The following QTMAN variants were observed in gnomAD, a reference collection of about 807,000 sequenced individuals.
The protein encoded by QTMAN is queuosine-tRNA mannosyltransferase, also known as tRNA-queuosine alpha-mannosyltransferase.
At chr2:144,253,152 CTT>C in the QTMAN span, among the ~76,000 whole-genome samples, 1 of 152,160 alleles carries the variant, frequency 6.6e-6, no homozygotes, top group Admixed American at 6.5e-5. Flanking sequence ...TTGCTTGGCA[CTT>C]CTCTCTCCTG....
At chr2:144,174,053 C>T in the QTMAN span, among the ~76,000 whole-genome samples, 15,934 of 152,192 alleles carry the variant, frequency 0.1, 1,905 homozygotes, top group African/African-American at 0.29. Context: ...CCCTTTTATA[C>T]AGAAATTACC....
At chr2:143,984,083 G>A in the QTMAN span, among the ~76,000 whole-genome samples, 1 of 152,250 alleles carries the variant, frequency 6.6e-6, no homozygotes, top group Non-Finnish European at 1.5e-5. Context: ...CACCAAATAT[G>A]TCTTTCTTTT....
chr2:144,293,775 G>A, the QTMAN span, among the ~76,000 whole-genome samples: 5 of 152,134 alleles, frequency 3.3e-5, no homozygotes, highest in Non-Finnish European at 5.9e-5. Flanking sequence ...TAAAAGAAGA[G>A]TACAAATATT....
At chr2:144,034,183 C>A in the QTMAN span, among the ~76,000 whole-genome samples, 2 of 152,144 alleles carry the variant, frequency 1.3e-5, no homozygotes, top group Admixed American at 1.3e-4. Context: ...CAGTAAGATA[C>A]CAGCTAATAC....
At chr2:144,093,386 T>TA in the QTMAN span, among the ~76,000 whole-genome samples, 1 of 152,212 alleles carries the variant, frequency 6.6e-6, no homozygotes, top group African/African-American at 2.4e-5. Context: ...TGAAGGTGTA[T>TA]ACCCCATGAA....
chr2:143,990,628 T>C, the QTMAN span, among the ~76,000 whole-genome samples: 2 of 152,188 alleles, frequency 1.3e-5, no homozygotes, highest in Non-Finnish European at 2.9e-5. Context: ...GGTAGCTTCC[T>C]TAAGCACCTG....
chr2:144,020,761 A>G, the QTMAN span, among the ~76,000 whole-genome samples: 1 of 152,216 alleles, frequency 6.6e-6, no homozygotes, highest in Non-Finnish European at 1.5e-5. Flanking sequence ...AGAAACTGAG[A>G]CAATGTAGAG....
chr2:144,243,308 T>A, the QTMAN span, among the ~76,000 whole-genome samples: 2 of 152,208 alleles, frequency 1.3e-5, no homozygotes, highest in Admixed American at 6.5e-5. Flanking sequence ...ATCTTCTTCT[T>A]TAGTTTTACT....
chr2:144,276,229 T>A, the QTMAN span, among the ~76,000 whole-genome samples: 4 of 152,084 alleles, frequency 2.6e-5, no homozygotes, highest in Admixed American at 6.6e-5. Context: ...AAAAAAGTTA[T>A]AGAAATGGGG....
the QTMAN span, among the ~76,000 whole-genome samples, chr2:144,130,429 A>G: frequency 4.0e-5 from 6 of 151,894 alleles, no homozygotes; most frequent in Non-Finnish European, 8.8e-5. Flanking sequence ...AAAAAACACA[A>G]AACACTAAGT....
chr2:144,087,485 C>T, the QTMAN span, among the ~76,000 whole-genome samples: 1 of 151,972 alleles, frequency 6.6e-6, no homozygotes, highest in East Asian at 1.9e-4. Flanking sequence ...GATACCAAAA[C>T]CAGACAAAGA....
At chr2:144,248,835 T>C in the QTMAN span, among the ~76,000 whole-genome samples, 2 of 152,184 alleles carry the variant, frequency 1.3e-5, no homozygotes, top group Non-Finnish European at 2.9e-5. Context: ...GTCGCTCTGA[T>C]TGTTCTTCAG....
At chr2:144,228,313 T>G in the QTMAN span, among the ~76,000 whole-genome samples, 3 of 152,168 alleles carry the variant, frequency 2.0e-5, no homozygotes, top group Non-Finnish European at 4.4e-5. Flanking sequence ...CAGTCCTTAC[T>G]AGCTAGAAAA....
At chr2:144,038,796 G>T in the QTMAN span, among the ~76,000 whole-genome samples, 2 of 152,084 alleles carry the variant, frequency 1.3e-5, no homozygotes, top group African/African-American at 2.4e-5. Flanking sequence ...TTAAATTTAA[G>T]ATTAAAATTA....
the QTMAN span, among the ~76,000 whole-genome samples, chr2:144,312,181 C>CTT: frequency 2.0e-4 from 26 of 131,170 alleles, no homozygotes; most frequent in African/African-American, 3.4e-4. Flanking sequence ...GAGTTACATT[C>CTT]TTTTTTTTTT....
At chr2:143,948,700 T>C in the QTMAN span, among the ~76,000 whole-genome samples, 35 of 152,234 alleles carry the variant, frequency 2.3e-4, no homozygotes, top group African/African-American at 8.2e-4. Flanking sequence ...TTTCCATAAG[T>C]AAATTCACAT....
the QTMAN span, among the ~76,000 whole-genome samples, chr2:144,242,145 G>A: frequency 2.6e-5 from 4 of 151,962 alleles, no homozygotes; most frequent in African/African-American, 7.3e-5. Context: ...TAGTTAAATG[G>A]GTCCAGATTG....
At chr2:144,171,153 G>T in the QTMAN span, among the ~76,000 whole-genome samples, 1 of 152,090 alleles carries the variant, frequency 6.6e-6, no homozygotes, top group African/African-American at 2.4e-5. Context: ...TATATGAAGA[G>T]AGCTTAAAAC....
At chr2:144,179,379 T>G in the QTMAN span, among the ~76,000 whole-genome samples, 2 of 152,202 alleles carry the variant, frequency 1.3e-5, no homozygotes. Flanking sequence ...TCAATTGTTT[T>G]GAAAATATTC....
Sources: gnomAD v4.1 joint callset for allele counts (sites outside exome capture counted in the v4.1 genomes callset) on GRCh38, gnomAD v4.1.1 for gene constraint, MANE v1.5 for transcripts, NCBI Gene and HGNC (gene_info 2026-07-23, HGNC 2026-07-21) for gene names.